The following UTP18 variants were observed in gnomAD, a reference collection of about 807,000 sequenced individuals.
The protein encoded by UTP18 is UTP18 small subunit processome component, also known as U3 small nucleolar RNA-associated protein 18 homolog.
A neutral mutation model predicts 61.1 loss-of-function variants in UTP18; 36 were observed. The ratio of observed to expected loss-of-function variants is 0.59; its 90% CI spans 0.45 to 0.78. The LOEUF is 0.78. Among genes scored for constraint, UTP18 ranks in the 30% least tolerant of loss-of-function variants. UTP18 has a pLI of 0.00. For missense variants in UTP18, 753 were observed against 693.9 expected (o/e 1.09, Z -0.96); for synonymous variants, 282 against 251.1 (o/e 1.12, Z -1.16).
chr17:51,268,117 C>A (rs1238829616), intron 3 of UTP18, among the ~76,000 whole-genome samples: 1 of 149,656 alleles, frequency 6.7e-6, no homozygotes, highest in Non-Finnish European at 1.5e-5. Flanking sequence ...TCACACCATT[C>A]TCCTGCCTTA....
intron 5 of UTP18, among the ~76,000 whole-genome samples, chr17:51,275,653 A>G (rs1904694494): frequency 6.6e-6 from 1 of 151,754 alleles, no homozygotes; most frequent in African/African-American, 2.4e-5. Flanking sequence ...GAAAGATGGT[A>G]AAAATGGATT....
At chr17:51,266,787 T>A (rs943593347) in intron 3 of UTP18, among the ~76,000 whole-genome samples, 117 of 152,340 alleles carry the variant, frequency 7.7e-4, no homozygotes, top group African/African-American at 2.7e-3. Context: ...AATTAACAGT[T>A]TACGGCTAGT....
intron 4 of UTP18, among the ~76,000 whole-genome samples, chr17:51,269,305 A>C (rs1276418443): frequency 2.7e-5 from 4 of 148,218 alleles, no homozygotes; most frequent in Non-Finnish European, 6.0e-5. Flanking sequence ...AAAAAAAAAA[A>C]AAAAAAAAAA....
chr17:51,268,758 C>T (rs999783161), intron 3 of UTP18, 79 bp from the exon 4 acceptor site: 16 of 1,168,248 alleles, frequency 1.4e-5, no homozygotes, highest in South Asian at 2.6e-5. Context: ...GGTGATTCAA[C>T]GTATATGCTT....
intron 3 of UTP18, 86 bp from the exon 4 acceptor site, chr17:51,268,751 G>A (rs1961692628): frequency 9.3e-7 from 1 of 1,070,932 alleles, no homozygotes. Flanking sequence ...TCTCAAGGGT[G>A]ATTCAACGTA....
At chr17:51,291,183 C>G (rs1905229602) in intron 11 of UTP18, among the ~76,000 whole-genome samples, 1 of 152,106 alleles carries the variant, frequency 6.6e-6, no homozygotes, top group Non-Finnish European at 1.5e-5. Context: ...CACCTGAGGC[C>G]AGGAGTTAAA....
rs890400848 is a variant in UTP18, at chr17:51,280,076, G to C, written c.1084G>C (p.Ala362Pro). Reference protein sequence around the residue: ...DGSFLLINGIAGYLHLLAMKT... With the variant: ...DGSFLLINGIPGYLHLLAMKT... ...GTCCTTCTTGCTCATAAATGGCATT[G>C]CTGGATATTTGCATTTGCTAGCAAT... is the stretch of plus-strand genomic sequence containing the variant. The change falls in exon 8 of 14, where the codon GCT becomes CCT. Residue 362 changes from alanine (A) to proline (P), a missense_variant. Ala to Pro is a conservative substitution (Grantham distance 27, BLOSUM62 -1). Transcript: ENST00000225298. The C allele has an allele frequency of 1.2e-6, 2 of 1,613,690 alleles. No individual in the cohort carries two copies. Among genetic ancestry groups the C allele is most frequent in the African/African-American group, 1.3e-5 (1 of 74,920 alleles).
rs139380173 is a variant in UTP18, at chr17:51,288,838, CCTT to C, written c.1503+638_1503+640del. On this transcript the variant is annotated intron_variant, in intron 11 of 13. Transcript: ENST00000225298. ...TACATGGAGTAAAGTCCGGAGGAAA[CCTT>C]CTAAGAGTCCTCTTCTAGTAGAGTC... Among the ~76,000 whole-genome samples, 517 of 152,272 alleles carry C rather than the reference CCTT, an allele frequency of 3.4e-3. 7 individuals carry two copies. Among genetic ancestry groups the C allele is most frequent in the African/African-American group, 0.011 (472 of 41,546 alleles).
intron 4 of UTP18, 28 bp from the exon 5 acceptor site, chr17:51,273,334 A>G: frequency 6.4e-7 from 1 of 1,568,806 alleles, no homozygotes; most frequent in Non-Finnish European, 8.7e-7. Flanking sequence ...GATTCTAAAG[A>G]TCAGCCTTCT....
chr17:51,267,776 A>G (rs1339402162), intron 3 of UTP18, among the ~76,000 whole-genome samples: 2 of 151,800 alleles, frequency 1.3e-5, no homozygotes, highest in Non-Finnish European at 2.9e-5. Context: ...TTAGGGGAAA[A>G]TTTGTGGTGG....
chr17:51,280,245 C>A, intron 8 of UTP18, 140 bp downstream of exon 8: 1 of 1,272,142 alleles, frequency 7.9e-7, no homozygotes. Flanking sequence ...AAGTTGTGGG[C>A]AGTTGGGGGA....
In UTP18 at chr17:51,294,012, TG is replaced by T. The variant is rs1291419155; in HGVS notation, c.1617del (p.Asn540MetfsTer7). On this transcript the variant is annotated frameshift_variant, in exon 12 of 14. Coordinates refer to ENST00000225298, the MANE Select transcript of UTP18 (RefSeq NM_016001.3). LOFTEE classifies it high-confidence loss of function. Reference protein sequence around the residue: ...DFSPRSGYFALGNEKGKALMY... With the variant: ...DFSPRSGYFAXGNEKGKALMY... ...TCTCCGAGAAGTGGATACTTTGCCT[TG>T]GGGAATGAAAAGGGCAAGGCCCTGA... The T allele has an allele frequency of 6.2e-7, 1 of 1,609,780 alleles. No homozygotes were observed. Among genetic ancestry groups the T allele is most frequent in the East Asian group, 2.2e-5 (1 of 44,700 alleles).
intron 12 of UTP18, chr17:51,296,581 T>G (rs1905372976): frequency 6.1e-6 from 1 of 163,850 alleles, no homozygotes; most frequent in Admixed American, 6.4e-5. Context: ...TTTGGTATTT[T>G]TATAAGTGAA....
chr17:51,288,733 T>G, intron 11 of UTP18: 1 of 401,098 alleles, frequency 2.5e-6, no homozygotes, highest in Non-Finnish European at 4.9e-6. Context: ...CTTCCAGGAC[T>G]CTGCATATGT....
intron 10 of UTP18, among the ~76,000 whole-genome samples, chr17:51,286,186 A>G (rs4794220): frequency 0.37 from 56,813 of 152,138 alleles, 12,757 homozygotes; most frequent in East Asian, 0.6. Context: ...TACTGAAAAC[A>G]TTGGTTATTA....
chr17:51,289,833 T>G (rs1243431959), intron 11 of UTP18, among the ~76,000 whole-genome samples: 1 of 152,204 alleles, frequency 6.6e-6, no homozygotes, highest in East Asian at 1.9e-4. Context: ...TTACAAAGAT[T>G]TACAAAGAGT....
chr17:51,290,156 C>T (rs1905207187), intron 11 of UTP18, among the ~76,000 whole-genome samples: 2 of 145,392 alleles, frequency 1.4e-5, no homozygotes, highest in Admixed American at 6.6e-5. Flanking sequence ...TGGCTCAGAC[C>T]TGTAATCCCG....
chr17:51,263,483 T>C (rs1356724107), intron 2 of UTP18, 97 bp downstream of exon 2: 1 of 919,214 alleles, frequency 1.1e-6, no homozygotes, highest in African/African-American at 1.7e-5. Flanking sequence ...TGTGATTATG[T>C]GAAGATTTGA....
At chr17:51,289,161 C>T (rs1379541193) in intron 11 of UTP18, among the ~76,000 whole-genome samples, 1 of 151,198 alleles carries the variant, frequency 6.6e-6, no homozygotes, top group Non-Finnish European at 1.5e-5. Flanking sequence ...CGACACTATG[C>T]AGTGGCCACC....
Sources: allele counts gnomAD v4.1 joint callset (sites outside exome capture counted in the v4.1 genomes callset), GRCh38; gene constraint gnomAD v4.1.1; transcripts MANE v1.5; gene names NCBI Gene and HGNC (gene_info 2026-07-23, HGNC 2026-07-21).